The following SLC2A9 variants were observed in gnomAD, a reference collection of about 807,000 sequenced individuals.
The protein encoded by SLC2A9 is solute carrier family 2 member 9.
SLC2A9 carries 39 observed loss-of-function variants against 50.6 expected under a neutral mutation model. That is an observed-to-expected ratio of 0.77 (90% CI 0.60 to 1.01). The LOEUF (loss-of-function observed/expected upper bound fraction) is 1.01. Ranked by LOEUF, SLC2A9 falls within the 50% of genes least tolerant of loss-of-function variation. The pLI is 0.00. For synonymous variants in SLC2A9, 324 were observed against 276.9 expected, an observed-to-expected ratio of 1.17 and a Z score of -1.69; for missense variants, 686 against 677.6, an observed-to-expected ratio of 1.01 and a Z score of -0.14.
chr4:9,941,014 T>C (rs1013826335), intron 6 of SLC2A9, among the ~76,000 whole-genome samples: 4 of 152,224 alleles, frequency 2.6e-5, no homozygotes, highest in African/African-American at 4.8e-5. Context: ...ATTTCCTTTT[T>C]ACAGATGAGG....
At chr4:9,827,962 C>A (rs1460250931) in intron 11 of SLC2A9, among the ~76,000 whole-genome samples, 1 of 152,198 alleles carries the variant, frequency 6.6e-6, no homozygotes, top group African/African-American at 2.4e-5. Flanking sequence ...TATATACCCA[C>A]ACATTGTTTT....
intron 10 of SLC2A9, among the ~76,000 whole-genome samples, chr4:9,836,147 G>A (rs1577454621): frequency 6.7e-6 from 1 of 150,310 alleles, no homozygotes; most frequent in East Asian, 2.0e-4. Context: ...TGGGAACTCG[G>A]GGGAAAGGGT....
chr4:9,791,517 G>T (rs1719916766), intron 3 of SLC2A9, among the ~76,000 whole-genome samples: 1 of 152,188 alleles, frequency 6.6e-6, no homozygotes, highest in Non-Finnish European at 1.5e-5. Flanking sequence ...GATTTTTAGG[G>T]ATCTTGGGAG....
chr4:9,798,666 G>C (rs1720908094), downstream of SLC2A9: 1 of 152,164 alleles, frequency 6.6e-6, no homozygotes, highest in Non-Finnish European at 1.5e-5. Flanking sequence ...CAGAGGTAAA[G>C]GGGACTTAGA....
downstream of SLC2A9, among the ~76,000 whole-genome samples, chr4:9,822,373 A>C (rs1184836431): frequency 6.6e-6 from 1 of 151,812 alleles, no homozygotes; most frequent in Non-Finnish European, 1.5e-5. Context: ...TAGTTTCTTA[A>C]GGTGAAATTT....
intron 10 of SLC2A9, among the ~76,000 whole-genome samples, chr4:9,886,249 G>A (rs931918280): frequency 1.3e-5 from 2 of 152,232 alleles, no homozygotes; most frequent in African/African-American, 4.8e-5. Context: ...GAGCACTGAT[G>A]TGAAGATGTG....
At chr4:10,024,558 TTC>T (rs996180336), upstream of SLC2A9, among the ~76,000 whole-genome samples, 1 of 152,222 alleles carries the variant, frequency 6.6e-6, no homozygotes, top group African/African-American at 2.4e-5. Context: ...GAGCTTGGAC[TTC>T]TGGTTTCTAA....
At chr4:9,771,445 C>T (rs1210093282) in intron 1 of SLC2A9, 3 of 398,754 alleles carry the variant, frequency 7.5e-6, no homozygotes, top group East Asian at 3.6e-5. Flanking sequence ...GCACTCTGCT[C>T]ACATTCCTGT....
intron 4 of SLC2A9, 38 bp from the exon 5 acceptor site, chr4:9,980,775 C>A: frequency 6.2e-7 from 1 of 1,614,014 alleles, no homozygotes; most frequent in East Asian, 2.2e-5. Context: ...AGAGAGGTGT[C>A]TTCCCGGGGG....
chr4:9,880,058 G>A (rs1734941324), intron 10 of SLC2A9: 4 of 985,454 alleles, frequency 4.1e-6, no homozygotes, highest in Middle Eastern at 5.2e-4. Context: ...GCAGGCCCAT[G>A]AGTCTCTCTG....
intron 3 of SLC2A9, among the ~76,000 whole-genome samples, chr4:9,994,452 C>T (rs1758259437): frequency 6.6e-6 from 1 of 152,106 alleles, no homozygotes; most frequent in African/African-American, 2.4e-5. Context: ...GCATAACAAC[C>T]AACACATCCT....
chr4:9,836,190 T>C (rs1332740076), intron 10 of SLC2A9, among the ~76,000 whole-genome samples: 1 of 149,594 alleles, frequency 6.7e-6, no homozygotes, highest in African/African-American at 2.5e-5. Flanking sequence ...CACTACAAAT[T>C]GGGTGAATGT....
At chr4:9,815,606 C>A (rs1424162465) in intron 3 of SLC2A9, among the ~76,000 whole-genome samples, 2 of 152,216 alleles carry the variant, frequency 1.3e-5, no homozygotes, top group East Asian at 1.9e-4. Flanking sequence ...CCTGTCACTA[C>A]ATTTGCATGC....
intron 3 of SLC2A9, among the ~76,000 whole-genome samples, chr4:9,800,064 T>C (rs1721182873): frequency 6.6e-6 from 1 of 152,126 alleles, no homozygotes; most frequent in African/African-American, 2.4e-5. Context: ...ATTGGCTAAA[T>C]TGTAAGCAGG....
intron 1 of SLC2A9, among the ~76,000 whole-genome samples, chr4:10,030,793 C>T (rs150626236): frequency 1.3e-5 from 2 of 152,246 alleles, no homozygotes; most frequent in Non-Finnish European, 2.9e-5. Context: ...TTCTTCTTAT[C>T]GAGCCCCTCT....
downstream of SLC2A9, among the ~76,000 whole-genome samples, chr4:9,777,902 G>A (rs13129974): frequency 6.6e-6 from 1 of 151,936 alleles, no homozygotes. Flanking sequence ...TTGCAGGATG[G>A]AGAGGTTCAA....
intron 11 of SLC2A9, among the ~76,000 whole-genome samples, chr4:9,829,104 G>T (rs1725603565): frequency 6.6e-6 from 1 of 152,122 alleles, no homozygotes; most frequent in Non-Finnish European, 1.5e-5. Context: ...ACAAAATTCA[G>T]TCAAGAACAT....
At chr4:9,846,471 G>A (rs929068985) in intron 10 of SLC2A9, among the ~76,000 whole-genome samples, 2 of 152,130 alleles carry the variant, frequency 1.3e-5, no homozygotes, top group Non-Finnish European at 2.9e-5. Context: ...AGGTATAGCA[G>A]ATGCTTCCTG....
downstream of SLC2A9, among the ~76,000 whole-genome samples, chr4:9,779,313 C>T (rs972398519): frequency 6.6e-6 from 1 of 152,136 alleles, no homozygotes; most frequent in Non-Finnish European, 1.5e-5. Flanking sequence ...AACTGCTGTA[C>T]ACTTAGATAA....
Sources: allele counts gnomAD v4.1 joint callset (sites outside exome capture counted in the v4.1 genomes callset), GRCh38; gene constraint gnomAD v4.1.1; transcripts MANE v1.5; gene names NCBI Gene and HGNC (gene_info 2026-07-23, HGNC 2026-07-21).